TBC1D16: variants seen among roughly 807,000 people sequenced by gnomAD.
TBC1D16 encodes the protein TBC1 domain family member 16, also known as CTD-2529O21.1.
In TBC1D16, 58 loss-of-function variants were observed where a neutral mutation model predicts 74.7. The ratio of observed to expected loss-of-function variants is 0.78; its 90% confidence interval spans 0.63 to 0.97. The LOEUF is 0.97. Ranked by LOEUF, TBC1D16 falls within the 50% of genes least tolerant of loss-of-function variation. TBC1D16 has a pLI of 0.00. For synonymous variants in TBC1D16, 493 were observed against 474.7 expected (o/e 1.04, Z -0.50); for missense variants, 1,014 against 1,079.5 (o/e 0.94, Z 0.85).
chr17:80,021,542 T>C (rs2036281738), intron 1 of TBC1D16, among the ~76,000 whole-genome samples: 1 of 149,796 alleles, frequency 6.7e-6, no homozygotes, highest in Admixed American at 6.6e-5. Flanking sequence ...CTTATTATTT[T>C]TAATACAGAG....
At chr17:79,958,409 G>C (rs1456539068) in intron 3 of TBC1D16, among the ~76,000 whole-genome samples, 1 of 151,952 alleles carries the variant, frequency 6.6e-6, no homozygotes, top group African/African-American at 2.4e-5. Flanking sequence ...TAGTAGAGAT[G>C]GGGTTTCGCC....
chr17:80,012,578 C>CT (rs57334506), intron 2 of TBC1D16, among the ~76,000 whole-genome samples: 69 of 147,350 alleles, frequency 4.7e-4, no homozygotes, highest in African/African-American at 1.2e-3. Flanking sequence ...TAATTTATAA[C>CT]TTTTTTTTTT....
intron 1 of TBC1D16, among the ~76,000 whole-genome samples, chr17:80,016,466 T>C (rs949730597): frequency 2.6e-5 from 4 of 152,236 alleles, no homozygotes; most frequent in African/African-American, 9.6e-5. Context: ...TATCTATTAG[T>C]GGAGGGTCTC....
chr17:79,947,190 G>A (rs560140003), intron 9 of TBC1D16, among the ~76,000 whole-genome samples: 3 of 152,302 alleles, frequency 2.0e-5, no homozygotes, highest in South Asian at 4.1e-4. Context: ...GGGGTGGGGT[G>A]TGAGGACTGC....
chr17:80,017,680 CAAAAAAAAAA>C (rs57336950), intron 1 of TBC1D16, among the ~76,000 whole-genome samples: 7,012 of 85,014 alleles, frequency 0.082, 557 homozygotes, highest in African/African-American at 0.25. Context: ...GACTCCATCT[CAAAAAAAAAA>C]AAAAAAAAAA....
chr17:80,011,809 G>C (rs1049069693), intron 2 of TBC1D16, among the ~76,000 whole-genome samples: 1 of 151,184 alleles, frequency 6.6e-6, no homozygotes, highest in African/African-American at 2.4e-5. Context: ...CTGGATGACA[G>C]AGCGAGACTC....
In TBC1D16 at chr17:79,988,536, G is replaced by T. The variant is rs946143936; in HGVS notation, c.779+21624C>A. Among the ~76,000 whole-genome samples, 1 of 152,214 alleles carries T rather than the reference G, an allele frequency of 6.6e-6. No individual in the cohort carries two copies. The highest frequency in any genetic ancestry group is 1.9e-4 in the East Asian group (1 of 5,192). ...TCAAACGCGCCCAGAGTCCACAGTC[G>T]ACCACCTCCCGCTCGGCAAGCCAGG... On this transcript the variant is annotated intron_variant, in intron 3 of 11. Coordinates refer to ENST00000310924, the MANE Select transcript of TBC1D16 (RefSeq NM_019020.4). This position sits in a 1 kb window ranked among gnomAD's most constrained non-coding sequence, Gnocchi z 5.7.
intron 3 of TBC1D16, among the ~76,000 whole-genome samples, chr17:79,962,492 T>C (rs566329945): frequency 4.6e-4 from 70 of 151,690 alleles, no homozygotes; most frequent in African/African-American, 1.7e-3. Flanking sequence ...GGATTACAGG[T>C]GTGACCCACC....
At chr17:80,002,026 G>A (rs746181059) in intron 3 of TBC1D16, among the ~76,000 whole-genome samples, 9 of 152,144 alleles carry the variant, frequency 5.9e-5, no homozygotes, top group African/African-American at 7.2e-5. Flanking sequence ...AATCCTCCTC[G>A]GGCTTGCCTG....
rs879674895 is a variant in TBC1D16 at position 79,961,410 on chromosome 17, G to A, written c.780-8592C>T. Among the ~76,000 whole-genome samples the A allele has an allele frequency of 7.9e-5, 12 of 152,150 alleles. No individual in the cohort carries two copies. The highest frequency in any genetic ancestry group is 1.6e-4 in the Non-Finnish European group (11 of 68,038). On this transcript the variant is annotated intron_variant, in intron 3 of 11. Transcript: ENST00000310924. The surrounding 1 kb of genome is among the most constrained non-coding windows in gnomAD (Gnocchi z 4.8). ...CGGACTGCTGGTGGGAATGCAACACGGCAAACCACTTTAGGAAAGCAGTTC... is the reference window on the plus strand; with the variant it reads ...CGGACTGCTGGTGGGAATGCAACACAGCAAACCACTTTAGGAAAGCAGTTC...
chr17:79,996,011 A>T (rs1465017746), intron 3 of TBC1D16, among the ~76,000 whole-genome samples: 2 of 152,212 alleles, frequency 1.3e-5, no homozygotes, highest in East Asian at 3.9e-4. Flanking sequence ...TAGTTTCTAG[A>T]GTGTATAATC....
chr17:79,953,101 T>G (rs1331698316), intron 3 of TBC1D16: 1 of 271,942 alleles, frequency 3.7e-6, no homozygotes, highest in Non-Finnish European at 6.9e-6. Flanking sequence ...AAGGTCACAC[T>G]GACTGGGGTT....
At chr17:80,018,550 G>A (rs2036178658) in intron 1 of TBC1D16, among the ~76,000 whole-genome samples, 1 of 149,466 alleles carries the variant, frequency 6.7e-6, no homozygotes, top group Non-Finnish European at 1.5e-5. Context: ...CCAAAGTGCT[G>A]GGATTACAGG....
chr17:79,958,656 C>T (rs1251728277), intron 3 of TBC1D16, among the ~76,000 whole-genome samples: 7 of 152,164 alleles, frequency 4.6e-5, no homozygotes, highest in Non-Finnish European at 7.3e-5. Context: ...TAAAGGCATA[C>T]ATGCACAGAT....
chr17:79,934,395 G>A lies in TBC1D16; in HGVS notation c.*6464C>T, dbSNP rs1341337721. 1 of 152,386 alleles carries A rather than the reference G, an allele frequency of 6.6e-6. No individual in the cohort carries two copies. Among genetic ancestry groups the A allele is most frequent in the Non-Finnish European group, 1.5e-5 (1 of 68,172 alleles). 9.4% of individuals were successfully genotyped at this position (152,386 alleles called of 1,614,324 possible). A position where few individuals can be genotyped will look rare whatever the true frequency, so the allele number is the denominator to read the frequency against. ...CCTTCCTGAGGAGCTGCCCTGCCCAGTCCCGTTGCCTTGGAGGCGGTGACA... is the reference window on the plus strand; with the variant it reads ...CCTTCCTGAGGAGCTGCCCTGCCCAATCCCGTTGCCTTGGAGGCGGTGACA... On this transcript the variant is annotated 3_prime_UTR_variant, in exon 12 of 12. Transcript: ENST00000310924.
At position 79,941,021 on chromosome 17, in the gene TBC1D16, C is replaced by T; in HGVS notation, c.2142G>A (p.Met714Ile). The stretch of plus-strand genomic sequence containing the variant: ...CCGCGGGCATGGAGCCGCTGTCCCA[C>T]ATGCCTGACCCGCACAGCTTACACA... Reference protein sequence around the residue: ...HDLCKLCGSGMWDSGSMPAVE... With the variant: ...HDLCKLCGSGIWDSGSMPAVE... Residue 714 changes from methionine (M) to isoleucine (I), a missense_variant, in exon 12 of 12, where the codon ATG becomes ATA. Met to Ile is a conservative substitution (Grantham distance 10). Transcript: ENST00000310924. The surrounding 1 kb of genome is among the most constrained non-coding windows in gnomAD (Gnocchi z 4.3). The T allele has an allele frequency of 6.2e-7, 1 of 1,608,062 alleles. No homozygotes were observed. The highest frequency in any genetic ancestry group is 8.5e-7 in the Non-Finnish European group (1 of 1,177,996).
At chr17:79,948,228 G>A (rs548496226) in intron 8 of TBC1D16, among the ~76,000 whole-genome samples, 5 of 150,674 alleles carry the variant, frequency 3.3e-5, no homozygotes, top group African/African-American at 7.3e-5. Context: ...CTGGAGAATC[G>A]CTTGAACCCG....
At position 79,976,383 on chromosome 17, in the gene TBC1D16, G is replaced by A. The variant is rs549335931; in HGVS notation, c.780-23565C>T. On this transcript the variant is annotated intron_variant, in intron 3 of 11. Coordinates refer to ENST00000310924, the MANE Select transcript of TBC1D16 (RefSeq NM_019020.4). ...CTTTCCAATGTTGGCCCACAGACAAGAAGCCCACTGGACATTTGGGAAGAG... is the reference window on the plus strand; with the variant it reads ...CTTTCCAATGTTGGCCCACAGACAAAAAGCCCACTGGACATTTGGGAAGAG... 1.4e-4 allele frequency among the ~76,000 whole-genome samples: 21 copies of A among 152,322 alleles called. No individual in the cohort carries two copies. In the East Asian group the frequency reaches 3.9e-3, roughly 28 times the overall value.
rs145664383 is a variant in TBC1D16 at position 79,987,705 on chromosome 17, C to T, written c.779+22455G>A. 3.9e-5 allele frequency among the ~76,000 whole-genome samples: 6 copies of T among 152,172 alleles called. No homozygotes were observed. Among genetic ancestry groups the T allele is most frequent in the African/African-American group, 7.2e-5 (3 of 41,440 alleles). ...CCCAGCCACAGCCTCCCTCTGCGGG[C>T]AGAACCCTGGGTGCTGCAGGGAGCT... is the stretch of plus-strand genomic sequence containing the variant. On this transcript the variant is annotated intron_variant, in intron 3 of 11. Coordinates refer to ENST00000310924, the MANE Select transcript of TBC1D16 (RefSeq NM_019020.4). This position sits in a 1 kb window ranked among gnomAD's most constrained non-coding sequence, Gnocchi z 5.2.
Sources: gnomAD v4.1 joint callset for allele counts (sites outside exome capture counted in the v4.1 genomes callset) on GRCh38, gnomAD v4.1.1 for gene constraint, Gnocchi (gnomAD v3.1) non-coding constraint, MANE v1.5 for transcripts, NCBI Gene and HGNC (gene_info 2026-07-23, HGNC 2026-07-21) for gene names.